C16orf74: variants seen among roughly 807,000 people sequenced by gnomAD.
The protein encoded by C16orf74 is calcimembrin, also known as uncharacterized protein C16orf74.
C16orf74 carries 10 observed loss-of-function variants against 6.5 expected under a neutral mutation model. That is an observed-to-expected ratio of 1.54 (90% CI 0.95 to 2.61). The LOEUF is 2.61. Among genes scored for constraint, C16orf74 ranks in the 30% most tolerant of loss-of-function variants. The pLI is 0.00. For synonymous variants in C16orf74, 60 were observed against 42.5 expected (o/e 1.41, Z -1.60); for missense variants, 141 against 105.9 (o/e 1.33, Z -1.45).
At chr16:85,711,218 CAGG>C (rs1217636554) in intron 2 of C16orf74, among the ~76,000 whole-genome samples, 6 of 149,646 alleles carry the variant, frequency 4.0e-5, no homozygotes, top group Non-Finnish European at 8.9e-5. Context: ...GGAGCTGAAG[CAGG>C]AGGAGAATCA....
intron 2 of C16orf74, among the ~76,000 whole-genome samples, chr16:85,716,174 C>G (rs1427380100): frequency 6.6e-6 from 1 of 151,952 alleles, no homozygotes; most frequent in Non-Finnish European, 1.5e-5. Context: ...GAGGACAAAA[C>G]CTACACATAT....
intron 1 of C16orf74, among the ~76,000 whole-genome samples, chr16:85,740,225 AAAAAAG>A (rs1425418934): frequency 3.3e-5 from 5 of 149,792 alleles, no homozygotes; most frequent in Non-Finnish European, 5.9e-5. Flanking sequence ...AAAAAAAAAA[AAAAAAG>A]AAAAAGAAAT....
At chr16:85,746,644 A>T (rs1274105184) in intron 1 of C16orf74, among the ~76,000 whole-genome samples, 1 of 152,172 alleles carries the variant, frequency 6.6e-6, no homozygotes, top group Non-Finnish European at 1.5e-5. Context: ...GGGCTGAAGA[A>T]GAGTCACAGC....
chr16:85,709,066 G>A (rs2053941331), intron 3 of C16orf74, among the ~76,000 whole-genome samples: 3 of 152,242 alleles, frequency 2.0e-5, no homozygotes, highest in Admixed American at 2.0e-4. Context: ...GTTTACCCCT[G>A]TCTAAAATGG....
chr16:85,744,666 T>C (rs1392643988), intron 1 of C16orf74, among the ~76,000 whole-genome samples: 1 of 151,312 alleles, frequency 6.6e-6, no homozygotes, highest in Non-Finnish European at 1.5e-5. Flanking sequence ...CTGTCTCTAC[T>C]AAAAATACAA....
intron 2 of C16orf74, among the ~76,000 whole-genome samples, chr16:85,717,522 G>C (rs974760047): frequency 6.6e-6 from 1 of 152,210 alleles, no homozygotes; most frequent in African/African-American, 2.4e-5. Flanking sequence ...CAGGTGTGGG[G>C]TGTGGGGCTG....
chr16:85,711,495 C>T (rs531834583), intron 2 of C16orf74, among the ~76,000 whole-genome samples: 25 of 151,228 alleles, frequency 1.7e-4, no homozygotes, highest in African/African-American at 4.6e-4. Context: ...TGGTGGTATG[C>T]GCCTGTAATC....
chr16:85,737,127 G>A (rs1472272492), intron 1 of C16orf74, among the ~76,000 whole-genome samples: 1 of 152,200 alleles, frequency 6.6e-6, no homozygotes, highest in Non-Finnish European at 1.5e-5. Flanking sequence ...GAAGTGATCT[G>A]TGCTGGGGAC....
At chr16:85,709,618 A>T (rs1192490255) in intron 3 of C16orf74, among the ~76,000 whole-genome samples, 1 of 152,164 alleles carries the variant, frequency 6.6e-6, no homozygotes, top group African/African-American at 2.4e-5. Context: ...CACCAGCTCC[A>T]GAGGTATCAC....
At chr16:85,738,409 C>G (rs2054268162) in intron 1 of C16orf74, among the ~76,000 whole-genome samples, 1 of 151,218 alleles carries the variant, frequency 6.6e-6, no homozygotes, top group Non-Finnish European at 1.5e-5. Flanking sequence ...ACCACAACCT[C>G]CACTTCCCAG....
At chr16:85,722,956 G>C (rs548821469) in intron 2 of C16orf74, among the ~76,000 whole-genome samples, 3 of 152,312 alleles carry the variant, frequency 2.0e-5, no homozygotes, top group African/African-American at 7.2e-5. Context: ...AAAAGAGGTT[G>C]AGCCACTTGC....
At chr16:85,742,147 T>A (rs2054315761) in intron 1 of C16orf74, among the ~76,000 whole-genome samples, 1 of 152,270 alleles carries the variant, frequency 6.6e-6, no homozygotes, top group South Asian at 2.1e-4. Flanking sequence ...CTGAGGTGGC[T>A]GGATCACTTG....
chr16:85,743,670 G>C (rs1349621273), intron 1 of C16orf74: 1 of 152,206 alleles, frequency 6.6e-6, no homozygotes, highest in African/African-American at 2.4e-5. Context: ...TGTAATCCCA[G>C]CACTTTGGGA....
At chr16:85,735,870 G>A (rs1264251860) in intron 1 of C16orf74, among the ~76,000 whole-genome samples, 3 of 152,162 alleles carry the variant, frequency 2.0e-5, no homozygotes, top group East Asian at 1.9e-4. Flanking sequence ...GTGGTGCGGG[G>A]CCCCTGCATG....
chr16:85,725,453 G>A (rs1466722932), intron 2 of C16orf74, among the ~76,000 whole-genome samples: 2 of 152,214 alleles, frequency 1.3e-5, no homozygotes, highest in Admixed American at 1.3e-4. Flanking sequence ...ACCAGTGCCT[G>A]GGACCCATCC....
intron 2 of C16orf74, among the ~76,000 whole-genome samples, chr16:85,711,310 C>A: frequency 1.0e-5 from 1 of 97,908 alleles, no homozygotes; most frequent in Middle Eastern, 6.6e-3. Context: ...AGTAAGACTC[C>A]ATCTTAAAAA....
chr16:85,715,205 A>G (rs1228807629), intron 2 of C16orf74, among the ~76,000 whole-genome samples: 1 of 152,018 alleles, frequency 6.6e-6, no homozygotes, highest in African/African-American at 2.4e-5. Flanking sequence ...TCTTGCACAG[A>G]AGCCCAGAGT....
intron 2 of C16orf74, among the ~76,000 whole-genome samples, chr16:85,731,281 T>C (rs1269410313): frequency 6.6e-6 from 1 of 152,250 alleles, no homozygotes; most frequent in African/African-American, 2.4e-5. Context: ...GTGAGGCCCA[T>C]TGTTCAATAT....
chr16:85,739,347 G>C (rs962376914), intron 1 of C16orf74, among the ~76,000 whole-genome samples: 61 of 152,188 alleles, frequency 4.0e-4, no homozygotes, highest in African/African-American at 1.5e-3. Flanking sequence ...TCTTTGTTCA[G>C]CATTGATCAC....
Sources: gnomAD v4.1 joint callset for allele counts (sites outside exome capture counted in the v4.1 genomes callset) on GRCh38, gnomAD v4.1.1 for gene constraint, MANE v1.5 for transcripts, NCBI Gene and HGNC (gene_info 2026-07-23, HGNC 2026-07-21) for gene names.